Variants in POC1A observed in about 807,000 individuals in gnomAD.
POC1A encodes the protein POC1 centriolar protein homolog A.
Under a neutral mutation model 47.8 loss-of-function variants are expected in POC1A, and 34 were observed. The observed-to-expected ratio is 0.71, with a 90% CI of 0.54 to 0.95. The LOEUF is 0.95. POC1A is among the 40% of genes least tolerant of loss of function. The pLI is 0.00. For missense variants in POC1A, 466 were observed against 528.3 expected, an observed-to-expected ratio of 0.88 and a Z score of 1.16; for synonymous variants, 177 against 207.6, an observed-to-expected ratio of 0.85 and a Z score of 1.27.
rs1172708455 is a variant in POC1A at position 52,103,519 on chromosome 3, T to A, written c.982-6807A>T. Among the ~76,000 whole-genome samples the A allele has an allele frequency of 3.3e-5, 5 of 151,948 alleles. No homozygotes were observed. In the South Asian group the frequency reaches 1.0e-3, roughly 32 times the overall value. Reference sequence around the variant, plus strand: ...CCAGCCTGGGCAACAAAGCAAGACTTCGTCTCAAAAAATAAAAATAAAAAA... The same window carrying A: ...CCAGCCTGGGCAACAAAGCAAGACTACGTCTCAAAAAATAAAAATAAAAAA... On this transcript the variant is annotated intron_variant, in intron 9 of 10. Transcript: ENST00000296484.
At chr3:52,105,181 G>A (rs1322792804) in intron 9 of POC1A, among the ~76,000 whole-genome samples, 2 of 152,162 alleles carry the variant, frequency 1.3e-5, no homozygotes. Flanking sequence ...ACAGACCCAG[G>A]TGAACAGCAT....
chr3:52,125,175 C>T lies in POC1A; in HGVS notation c.820G>A (p.Ala274Thr), dbSNP rs1484827692. The T allele has an allele frequency of 6.2e-7, 1 of 1,613,640 alleles. No individual in the cohort carries two copies. Among genetic ancestry groups the T allele is most frequent in the South Asian group, 1.1e-5 (1 of 91,058 alleles). ...LYTLHGHQGP[A>T]TTVAFSRTGE... ...GTTCTTGAAAAGGCAACAGTGGTGG[C>T]TGGTCCCTGGCAGAACAAACAAAAA... Residue 274 changes from alanine to threonine, a missense_variant, in exon 8 of 11, where the codon GCC (alanine) becomes ACC (threonine). Transcript: ENST00000296484.
At chr3:52,081,630 AG>A (rs1408046143) in intron 10 of POC1A, among the ~76,000 whole-genome samples, 1 of 152,124 alleles carries the variant, frequency 6.6e-6, no homozygotes, top group Non-Finnish European at 1.5e-5. Context: ...GAGCAAGAAG[AG>A]GGGGCCTCAG....
chr3:52,080,476 T>C (rs779347475), intron 10 of POC1A, among the ~76,000 whole-genome samples: 11 of 152,198 alleles, frequency 7.2e-5, no homozygotes, highest in Non-Finnish European at 4.4e-5. Flanking sequence ...ACAGTGGGAA[T>C]GGACAGCCCC....
At chr3:52,124,960 C>T (rs1353014580) in intron 8 of POC1A, among the ~76,000 whole-genome samples, 153 bp downstream of exon 8, 16 of 152,182 alleles carry the variant, frequency 1.1e-4, no homozygotes, top group Non-Finnish European at 5.9e-5. Flanking sequence ...TGGGCAACCC[C>T]ACCCCAAGCG....
At chr3:52,097,490 C>G (rs568257965) in intron 9 of POC1A, among the ~76,000 whole-genome samples, 1 of 152,274 alleles carries the variant, frequency 6.6e-6, no homozygotes, top group South Asian at 2.1e-4. Context: ...TTCTGTGGAC[C>G]GAAGAAGTGC....
At chr3:52,112,235 C>G (rs752687951) in intron 9 of POC1A, among the ~76,000 whole-genome samples, 2 of 152,190 alleles carry the variant, frequency 1.3e-5, no homozygotes, top group African/African-American at 2.4e-5. Flanking sequence ...TTCACTGCAG[C>G]CTTGAACTCC....
chr3:52,147,143 G>A (rs367817540), intron 4 of POC1A, 48 bp from the exon 5 acceptor site: 14 of 1,406,414 alleles, frequency 1.0e-5, no homozygotes, highest in East Asian at 2.3e-5. Context: ...CAGACGACAT[G>A]GGCACCACAC....
intron 7 of POC1A, among the ~76,000 whole-genome samples, chr3:52,135,363 A>G (rs1030726731): frequency 2.0e-5 from 3 of 152,212 alleles, no homozygotes; most frequent in Admixed American, 6.5e-5. Flanking sequence ...TGGGAAGCCA[A>G]CATTAGCTGA....
intron 6 of POC1A, among the ~76,000 whole-genome samples, chr3:52,143,319 C>T (rs893821382): frequency 3.6e-4 from 55 of 152,134 alleles, no homozygotes; most frequent in Admixed American, 3.9e-4. Flanking sequence ...CATGGAGATC[C>T]GCCCCTGCCC....
intron 7 of POC1A, among the ~76,000 whole-genome samples, chr3:52,128,149 G>C (rs1340048374): frequency 6.6e-6 from 1 of 152,220 alleles, no homozygotes; most frequent in Non-Finnish European, 1.5e-5. Context: ...TGGGCCTTTT[G>C]CCTGCCCAGA....
chr3:52,099,797 G>T (rs896935441), intron 9 of POC1A, among the ~76,000 whole-genome samples: 1 of 152,192 alleles, frequency 6.6e-6, no homozygotes, highest in African/African-American at 2.4e-5. Context: ...GTTGCAATGA[G>T]CTGAGATCAC....
Position 52,075,655 on chromosome 3 carries a change from G to A in POC1A, c.*232C>T. ...AGCAAAATGTGGTCCTCTCATTCGG[G>A]TCTGAAGCATCATTTGTGTGTGAGC... is the stretch of plus-strand genomic sequence containing the variant. On this transcript the variant is annotated 3_prime_UTR_variant, in exon 11 of 11. Transcript: ENST00000296484. 1 of 438,574 alleles carries A rather than the reference G, an allele frequency of 2.3e-6. No individual in the cohort carries two copies. The highest frequency in any genetic ancestry group is 4.3e-6 in the Non-Finnish European group (1 of 233,758). The allele number at this position is 438,574 out of a possible 1,614,324, so 27.2% of individuals were successfully genotyped here.
intron 9 of POC1A, among the ~76,000 whole-genome samples, chr3:52,108,801 T>C (rs1703276942): frequency 6.6e-6 from 1 of 152,124 alleles, no homozygotes; most frequent in Non-Finnish European, 1.5e-5. Context: ...GCCTCTCCTT[T>C]CCTGGAAAAT....
chr3:52,137,647 C>T (rs562315997), intron 7 of POC1A, among the ~76,000 whole-genome samples: 2 of 152,298 alleles, frequency 1.3e-5, no homozygotes, highest in African/African-American at 2.4e-5. Flanking sequence ...ACCAGGGAAC[C>T]GGCTGCTTTG....
At chr3:52,115,777 T>C (rs992673028) in intron 9 of POC1A, among the ~76,000 whole-genome samples, 2 of 152,152 alleles carry the variant, frequency 1.3e-5, no homozygotes, top group Non-Finnish European at 2.9e-5. Context: ...GGTGCTTTGC[T>C]TGGACTTCCC....
intron 1 of POC1A, 96 bp from the exon 2 acceptor site, chr3:52,151,196 TA>T (rs1698543926): frequency 6.4e-7 from 1 of 1,567,288 alleles, no homozygotes; most frequent in South Asian, 1.1e-5. Context: ...GGAGTAGGGT[TA>T]AAAATGCTCA....
chr3:52,077,513 A>G (rs1559804336), intron 10 of POC1A, among the ~76,000 whole-genome samples: 1 of 152,208 alleles, frequency 6.6e-6, no homozygotes, highest in Non-Finnish European at 1.5e-5. Flanking sequence ...CAGAGCCTGG[A>G]AAAATTGCTG....
intron 10 of POC1A, among the ~76,000 whole-genome samples, chr3:52,077,640 C>T (rs886708224): frequency 6.6e-6 from 1 of 152,364 alleles, no homozygotes; most frequent in African/African-American, 2.4e-5. Flanking sequence ...AAAGTGGCAG[C>T]GGAAACAGCC....
Sources: allele counts gnomAD v4.1 joint callset (sites outside exome capture counted in the v4.1 genomes callset), GRCh38; gene constraint gnomAD v4.1.1; transcripts MANE v1.5; gene names NCBI Gene and HGNC (gene_info 2026-07-23, HGNC 2026-07-21).